The following PRDM1 variants were observed in gnomAD, a reference collection of about 807,000 sequenced individuals.
PRDM1 encodes PR domain zinc finger protein 1.
PRDM1 carries 13 observed loss-of-function variants against 62.8 expected under a neutral mutation model. That is an observed-to-expected ratio of 0.21 (90% confidence interval 0.13 to 0.33). The LOEUF (loss-of-function observed/expected upper bound fraction) is 0.33, where lower values mean the gene tolerates loss of function less well. PRDM1 is among the 10% of genes least tolerant of loss of function. PRDM1 has a pLI of 1.00. For synonymous variants in PRDM1, 396 were observed against 417.6 expected (o/e 0.95, Z 0.63); for missense variants, 895 against 1,058.8 (o/e 0.85, Z 2.15).
chr6:106,069,615 C>G (rs147050405), intron 1 of PRDM1, among the ~76,000 whole-genome samples: 2 of 152,206 alleles, frequency 1.3e-5, no homozygotes, highest in African/African-American at 2.4e-5. Flanking sequence ...GCTCAGATAC[C>G]GTGGAGAAAG....
intron 3 of PRDM1, chr6:106,098,159 G>C (rs9398065): frequency 0.029 from 28,585 of 983,888 alleles, 454 homozygotes; most frequent in East Asian, 0.07. Flanking sequence ...CAAAATTCCT[G>C]CTACGAACAG....
Position 106,104,900 on chromosome 6 carries a change from A to G in PRDM1, c.740A>G (p.Glu247Gly), listed in dbSNP as rs946310283. The change falls in exon 5 of 7, where the codon GAG becomes GGG. Residue 247 changes from glutamate to glycine, a missense_variant. Physicochemically the swap from Glu to Gly is moderately conservative, Grantham distance 98 (BLOSUM62 -2). This residue lies in a region of PRDM1 where 444 missense variants were observed against 422.7 expected (regional missense o/e 1.05). Transcript: ENST00000369096. Reference protein sequence around the residue: ...ELCPKNVPKREYSVKEILKLD... With the variant: ...ELCPKNVPKRGYSVKEILKLD... The stretch of plus-strand genomic sequence containing the variant: ...TGCCCAAAGAATGTCCCAAAGAGAG[A>G]GTACAGCGTGAAAGAAATCCTAAAA... 33 of 1,614,022 alleles carry G rather than the reference A, an allele frequency of 2.0e-5. No homozygotes were observed. The highest frequency in any genetic ancestry group is 2.6e-5 in the Non-Finnish European group (31 of 1,180,014).
intron 1 of PRDM1, among the ~76,000 whole-genome samples, chr6:106,034,789 G>A (rs901844953): frequency 2.6e-5 from 4 of 151,738 alleles, no homozygotes; most frequent in African/African-American, 4.8e-5. Flanking sequence ...GCACCACCAC[G>A]CATGGCTAGT....
At chr6:106,066,647 T>G (rs1773438608) in intron 1 of PRDM1, among the ~76,000 whole-genome samples, 1 of 152,208 alleles carries the variant, frequency 6.6e-6, no homozygotes, top group East Asian at 1.9e-4. Flanking sequence ...TAATATTCAT[T>G]CTTAAAGATT....
chr6:106,042,311 G>C (rs186039518), intron 1 of PRDM1, among the ~76,000 whole-genome samples: 1 of 150,296 alleles, frequency 6.7e-6, no homozygotes, highest in Non-Finnish European at 1.5e-5. Context: ...ACCTGAGATC[G>C]GGAGTTTGAG....
intron 1 of PRDM1, among the ~76,000 whole-genome samples, chr6:106,000,735 G>A (rs909090140): frequency 6.6e-6 from 1 of 152,136 alleles, no homozygotes; most frequent in African/African-American, 2.4e-5. Flanking sequence ...ACTGATATAT[G>A]TTGCTTTGTT....
At chr6:106,069,165 T>C (rs1773475640) in intron 1 of PRDM1, among the ~76,000 whole-genome samples, 2 of 152,218 alleles carry the variant, frequency 1.3e-5, no homozygotes, top group Admixed American at 6.5e-5. Flanking sequence ...TTTAGTAGCT[T>C]AGCACAGGGT....
At chr6:106,013,598 G>A (rs1772583447) in intron 1 of PRDM1, among the ~76,000 whole-genome samples, 2 of 152,140 alleles carry the variant, frequency 1.3e-5, no homozygotes, top group African/African-American at 4.8e-5. Flanking sequence ...AAAGTGCTGG[G>A]ATTACAGGTG....
At position 106,107,179 on chromosome 6, in the gene PRDM1, C is replaced by G. The variant is rs1184357437; in HGVS notation, c.2171C>G (p.Thr724Ser). The G allele has an allele frequency of 6.2e-7, 1 of 1,614,182 alleles. No homozygotes were observed. The change falls in exon 7 of 7, where the codon ACC becomes AGC. Residue 724 changes from threonine to serine, a missense_variant. Physicochemically the swap from Thr to Ser is moderately conservative, Grantham distance 58. Coordinates refer to ENST00000369096, the MANE Select transcript of PRDM1 (RefSeq NM_001198.4). ...PAPGLPLEDL[T>S]RINEEIEKFD... ...CCTGGGCTGCCCTTGGAAGATCTGA[C>G]CCGAATCAATGAAGAAATCGAGAAG...
chr6:106,031,921 C>T (rs2114567903), intron 1 of PRDM1, among the ~76,000 whole-genome samples: 1 of 151,896 alleles, frequency 6.6e-6, no homozygotes, highest in Non-Finnish European at 1.5e-5. Flanking sequence ...TTTTTTTGTG[C>T]CCAGACCATA....
upstream of PRDM1, among the ~76,000 whole-genome samples, chr6:106,083,208 G>A (rs887153242): frequency 2.7e-4 from 32 of 119,828 alleles, no homozygotes; most frequent in East Asian, 7.9e-3. Context: ...GCGGGAAATG[G>A]GTGTGGGGGG....
At chr6:106,050,356 T>C (rs1773153792) in intron 1 of PRDM1, among the ~76,000 whole-genome samples, 1 of 152,248 alleles carries the variant, frequency 6.6e-6, no homozygotes, top group African/African-American at 2.4e-5. Flanking sequence ...AGGTTCTTCA[T>C]GGAATTCTAA....
rs1281522828 is a variant in PRDM1 at position 106,075,944 on chromosome 6, TA to T, written c.-66-12246del. Among the ~76,000 whole-genome samples the T allele has an allele frequency of 3.9e-4, 57 of 146,886 alleles. 1 individual carries two copies. Among genetic ancestry groups the T allele is most frequent in the African/African-American group, 8.3e-4 (32 of 38,556 alleles). Reference sequence around the variant, plus strand: ...TAATAAAAATCACTACAGGGAAAATTAAAAAAAAAAATTTTTTTTTTTTTTG... The same window carrying T: ...TAATAAAAATCACTACAGGGAAAATTAAAAAAAAAATTTTTTTTTTTTTTG... On this transcript the variant is annotated intron_variant, in intron 1 of 6. Coordinates refer to the PRDM1 transcript ENST00000651185.
intron 1 of PRDM1, among the ~76,000 whole-genome samples, chr6:106,000,913 G>A (rs1369582335): frequency 2.0e-5 from 3 of 152,012 alleles, no homozygotes; most frequent in African/African-American, 7.3e-5. Context: ...GGAATTGTGG[G>A]GTCACAGGAT....
chr6:106,014,764 A>G (rs1053766532), intron 1 of PRDM1, among the ~76,000 whole-genome samples: 3 of 151,812 alleles, frequency 2.0e-5, no homozygotes, highest in East Asian at 1.9e-4. Flanking sequence ...ATTTTTTTTT[A>G]TAGAACCTTA....
upstream of PRDM1, among the ~76,000 whole-genome samples, chr6:106,082,862 A>T (rs1332888528): frequency 6.6e-6 from 1 of 152,140 alleles, no homozygotes; most frequent in African/African-American, 2.4e-5. Context: ...AAATTGATTC[A>T]ACTCATCATC....
rs1455508404 is a variant in PRDM1 at position 106,095,690 on chromosome 6, A to G, written c.367A>G (p.Asn123Asp). The G allele has an allele frequency of 2.5e-6, 4 of 1,614,034 alleles. No homozygotes were observed. The highest frequency in any genetic ancestry group is 2.5e-6 in the Non-Finnish European group (3 of 1,179,984). The change falls in exon 3 of 7, where the codon AAT becomes GAT. Residue 123 changes from asparagine to aspartate, a missense_variant. Asn to Asp is a conservative substitution (Grantham distance 23). Around this residue, in one of 4 missense-constraint regions of PRDM1, gnomAD observed 213 missense variants for 283.9 expected, o/e 0.75. Transcript: ENST00000369096. ...FGPLIGEIYT[N>D]DTVPKNANRK... The stretch of plus-strand genomic sequence containing the variant: ...ACCCCTAATAGGTGAAATCTACACC[A>G]ATGACACAGTTCCTAAGAACGCCAA...
At chr6:106,015,275 C>A (rs1444563043) in intron 1 of PRDM1, among the ~76,000 whole-genome samples, 2 of 152,166 alleles carry the variant, frequency 1.3e-5, no homozygotes, top group Non-Finnish European at 2.9e-5. Context: ...TTCTCTCTTC[C>A]TCCTCTTTTC....
At chr6:106,078,770 G>T (rs567632238) in intron 1 of PRDM1, among the ~76,000 whole-genome samples, 3 of 152,102 alleles carry the variant, frequency 2.0e-5, no homozygotes, top group Non-Finnish European at 4.4e-5. Flanking sequence ...CTACTCAGGA[G>T]GATCATCTGA....
Sources: allele counts gnomAD v4.1 joint callset (sites outside exome capture counted in the v4.1 genomes callset), GRCh38; gene constraint gnomAD v4.1.1; regional missense constraint gnomAD v4.1.1; transcripts MANE v1.5; gene names NCBI Gene and HGNC (gene_info 2026-07-23, HGNC 2026-07-21).